The following FRMD6 variants were observed in gnomAD, a reference collection of about 807,000 sequenced individuals.
FRMD6 encodes the protein FERM domain-containing protein 6.
Under a neutral mutation model 73.2 loss-of-function variants are expected in FRMD6, and 37 were observed. The observed-to-expected ratio is 0.51, with a 90% confidence interval of 0.39 to 0.66. The LOEUF (loss-of-function observed/expected upper bound fraction) is 0.66. Ranked by LOEUF, FRMD6 falls within the 30% of genes least tolerant of loss-of-function variation. The probability of loss-of-function intolerance (pLI) is 0.00; values close to 1 mark genes in which losing one functional copy is unlikely to be tolerated. For missense variants in FRMD6, 714 were observed against 780.5 expected, an observed-to-expected ratio of 0.91 and a Z score of 1.02; for synonymous variants, 273 against 282.2, an observed-to-expected ratio of 0.97 and a Z score of 0.33.
chr14:51,698,706 AC>A (rs1302872097), intron 3 of FRMD6, among the ~76,000 whole-genome samples: 5 of 151,872 alleles, frequency 3.3e-5, no homozygotes, highest in African/African-American at 7.2e-5. Context: ...TTTCTCTCGT[AC>A]CCCTTCTCTT....
intron 2 of FRMD6, among the ~76,000 whole-genome samples, chr14:51,620,522 T>C (rs1890887482): frequency 6.6e-6 from 1 of 151,996 alleles, no homozygotes; most frequent in Admixed American, 6.6e-5. Flanking sequence ...TGTCCTTTTA[T>C]GTAGAACAAA....
At chr14:51,420,801 G>T in the FRMD6 span, among the ~76,000 whole-genome samples, 3 of 152,156 alleles carry the variant, frequency 2.0e-5, no homozygotes, top group Non-Finnish European at 4.4e-5. Context: ...TTTGAATGGA[G>T]TCTCGCTCTG....
intron 1 of FRMD6, among the ~76,000 whole-genome samples, chr14:51,665,919 G>A (rs1160162758): frequency 6.6e-6 from 1 of 152,142 alleles, no homozygotes; most frequent in African/African-American, 2.4e-5. Context: ...TGATTGTGAG[G>A]CCTCCCCAGC....
At chr14:51,593,018 C>G (rs35864858) in intron 2 of FRMD6, among the ~76,000 whole-genome samples, 6,431 of 152,256 alleles carry the variant, frequency 0.042, 237 homozygotes, top group Non-Finnish European at 0.063. Flanking sequence ...ATAGGCAGAG[C>G]TGATGGTTAT....
intron 4 of FRMD6, 130 bp from the exon 5 acceptor site, chr14:51,702,382 C>A: frequency 1.4e-6 from 1 of 720,532 alleles, no homozygotes. Flanking sequence ...AGCCCCTACT[C>A]ATTATAAGTA....
At chr14:51,695,372 G>A (rs1895874550) in intron 2 of FRMD6, among the ~76,000 whole-genome samples, 1 of 152,152 alleles carries the variant, frequency 6.6e-6, no homozygotes, top group Admixed American at 6.6e-5. Context: ...CTTTTAAAGT[G>A]AGTGTTGGAA....
At chr14:51,577,617 C>T (rs1023582538) in intron 2 of FRMD6, among the ~76,000 whole-genome samples, 13 of 152,142 alleles carry the variant, frequency 8.5e-5, no homozygotes, top group African/African-American at 2.9e-4. Flanking sequence ...AGTACTATGA[C>T]AGTACCTAGG....
At chr14:51,602,440 G>T (rs556018319) in intron 2 of FRMD6, among the ~76,000 whole-genome samples, 1 of 152,260 alleles carries the variant, frequency 6.6e-6, no homozygotes, top group South Asian at 2.1e-4. Context: ...ACAGACTAAA[G>T]GTAGTTTTCA....
At chr14:51,442,372 C>A in the FRMD6 span, among the ~76,000 whole-genome samples, 4 of 152,144 alleles carry the variant, frequency 2.6e-5, no homozygotes, top group African/African-American at 7.2e-5. Context: ...CACATGTACT[C>A]CCACCCCTCT....
intron 2 of FRMD6, among the ~76,000 whole-genome samples, chr14:51,621,655 G>A (rs1890931911): frequency 1.3e-5 from 2 of 152,120 alleles, no homozygotes; most frequent in Non-Finnish European, 2.9e-5. Context: ...ACACACCAAC[G>A]ACTAATTTTT....
intron 1 of FRMD6, among the ~76,000 whole-genome samples, chr14:51,683,391 T>C (rs532723460): frequency 6.6e-6 from 1 of 152,252 alleles, no homozygotes; most frequent in East Asian, 1.9e-4. Flanking sequence ...GTGATCCTCC[T>C]GCCTCAGCCT....
intron 1 of FRMD6, among the ~76,000 whole-genome samples, chr14:51,689,157 A>G (rs1456407881): frequency 6.6e-6 from 1 of 152,226 alleles, no homozygotes; most frequent in Non-Finnish European, 1.5e-5. Context: ...TAAATGTTGT[A>G]GAGAGATCAA....
chr14:51,530,280 C>T (rs8008163), intron 1 of FRMD6, among the ~76,000 whole-genome samples: 5,237 of 152,168 alleles, frequency 0.034, 140 homozygotes, highest in African/African-American at 0.072. Flanking sequence ...CTCTCCGTGG[C>T]GTCACACTGG....
chr14:51,635,721 GATAA>G (rs1295928368), intron 2 of FRMD6, among the ~76,000 whole-genome samples: 6 of 152,138 alleles, frequency 3.9e-5, no homozygotes, highest in African/African-American at 7.2e-5. Flanking sequence ...TTTTAAAAGT[GATAA>G]ATAAATAATG....
intron 11 of FRMD6, among the ~76,000 whole-genome samples, chr14:51,721,426 A>G (rs113810618): frequency 0.29 from 43,819 of 152,068 alleles, 6,721 homozygotes; most frequent in African/African-American, 0.38. Context: ...TCTGGCCAAC[A>G]TGATGAAACC....
At chr14:51,426,744 C>T in the FRMD6 span, among the ~76,000 whole-genome samples, 1 of 152,150 alleles carries the variant, frequency 6.6e-6, no homozygotes, top group African/African-American at 2.4e-5. Flanking sequence ...GAGGGCTCAC[C>T]TAGTGTGGAG....
chr14:51,550,631 G>T (rs1886769281), intron 1 of FRMD6, among the ~76,000 whole-genome samples: 1 of 151,456 alleles, frequency 6.6e-6, no homozygotes, highest in Non-Finnish European at 1.5e-5. Context: ...GATGTTTCAT[G>T]GTGCAGAGGC....
At chr14:51,564,691 G>A (rs1887681887) in intron 1 of FRMD6, among the ~76,000 whole-genome samples, 1 of 152,070 alleles carries the variant, frequency 6.6e-6, no homozygotes, top group Non-Finnish European at 1.5e-5. Flanking sequence ...AAAGGCCTCG[G>A]GGCAACAACC....
chr14:51,436,669 A>G, the FRMD6 span: 3 of 531,690 alleles, frequency 5.6e-6, no homozygotes, highest in Non-Finnish European at 7.0e-6. Context: ...ATTCTGATGT[A>G]GGGGCTAATG....
Sources: gnomAD v4.1 joint callset for allele counts (sites outside exome capture counted in the v4.1 genomes callset) on GRCh38, gnomAD v4.1.1 for gene constraint, MANE v1.5 for transcripts, NCBI Gene and HGNC (gene_info 2026-07-23, HGNC 2026-07-21) for gene names.